GNA12: variants seen among roughly 807,000 people sequenced by gnomAD.
GNA12 encodes the protein guanine nucleotide-binding protein subunit alpha-12.
In GNA12, 9 loss-of-function variants were observed where a neutral mutation model predicts 26.0. The ratio of observed to expected loss-of-function variants is 0.35; its 90% CI spans 0.21 to 0.60. GNA12 has a LOEUF of 0.60. GNA12 is among the 20% of genes least tolerant of loss of function. The probability of loss-of-function intolerance (pLI) is 0.78; values close to 1 mark genes in which losing one functional copy is unlikely to be tolerated. For synonymous variants in GNA12, 264 were observed against 219.6 expected (o/e 1.20, Z -1.79); for missense variants, 405 against 525.8 (o/e 0.77, Z 2.25).
At chr7:2,750,825 A>G (rs1396699044) in intron 2 of GNA12, among the ~76,000 whole-genome samples, 1 of 152,216 alleles carries the variant, frequency 6.6e-6, no homozygotes, top group African/African-American at 2.4e-5. Context: ...TCAGAACCAG[A>G]TTCGGATATG....
Position 2,739,872 on chromosome 7 carries a change from C to T in GNA12, c.526-6371G>A, listed in dbSNP as rs146679860. Among the ~76,000 whole-genome samples the T allele has an allele frequency of 7.5e-3, 1,148 of 152,178 alleles. 4 individuals are homozygous for T. Among genetic ancestry groups the T allele is most frequent in the Non-Finnish European group, 0.014 (963 of 67,998 alleles). On this transcript the variant is annotated intron_variant, in intron 2 of 3. Coordinates refer to ENST00000275364, the MANE Select transcript of GNA12 (RefSeq NM_007353.3). Reference sequence around the variant, plus strand: ...TTTTTAGTAGAGACGGGGGTTTCACCGTGTTGGCCAGGCTGGTCTCGAACT... The same window carrying T: ...TTTTTAGTAGAGACGGGGGTTTCACTGTGTTGGCCAGGCTGGTCTCGAACT...
intron 1 of GNA12, among the ~76,000 whole-genome samples, chr7:2,836,981 A>AC (rs1778857265): frequency 6.6e-6 from 1 of 151,918 alleles, no homozygotes. Flanking sequence ...CACATATACC[A>AC]CCCACTGAGG....
intron 2 of GNA12, among the ~76,000 whole-genome samples, chr7:2,743,180 G>A (rs989453939): frequency 3.9e-5 from 6 of 152,170 alleles, no homozygotes; most frequent in Non-Finnish European, 7.3e-5. Flanking sequence ...CCCCTGAACC[G>A]TATATATGGG....
At position 2,790,753 on chromosome 7, in the gene GNA12, G is replaced by A. The variant is rs560758334; in HGVS notation, c.525+4175C>T. 1.0e-3 allele frequency among the ~76,000 whole-genome samples: 159 copies of A among 152,346 alleles called. 1 individual carries two copies. The highest frequency in any genetic ancestry group is 3.4e-3 in the African/African-American group (143 of 41,580). On this transcript the variant is annotated intron_variant, in intron 2 of 3. Coordinates refer to ENST00000275364, the MANE Select transcript of GNA12 (RefSeq NM_007353.3). Reference sequence around the variant, plus strand: ...GAAGCCCAAGGCAGGAGGATTGCTAGAGCCCAGGAGTTTGAGACTAGCCTG... The same window carrying A: ...GAAGCCCAAGGCAGGAGGATTGCTAAAGCCCAGGAGTTTGAGACTAGCCTG...
chr7:2,778,259 G>C (rs936561763), intron 2 of GNA12, among the ~76,000 whole-genome samples: 1 of 152,168 alleles, frequency 6.6e-6, no homozygotes, highest in East Asian at 1.9e-4. Flanking sequence ...ATTTCATTTG[G>C]CTTAAACGCA....
At chr7:2,811,244 A>C (rs11765726) in intron 1 of GNA12, among the ~76,000 whole-genome samples, 6 of 151,590 alleles carry the variant, frequency 4.0e-5, no homozygotes, top group African/African-American at 1.2e-4. Context: ...TTCTGTGCAC[A>C]ACATCTACAC....
At chr7:2,757,128 CCTTT>C (rs1791338634) in intron 2 of GNA12, among the ~76,000 whole-genome samples, 1 of 115,136 alleles carries the variant, frequency 8.7e-6, no homozygotes, top group Non-Finnish European at 1.8e-5. Context: ...ATCAGGTGGG[CCTTT>C]TTTTTTTTTT....
intron 1 of GNA12, among the ~76,000 whole-genome samples, chr7:2,809,904 T>C (rs1200532423): frequency 6.6e-6 from 1 of 152,234 alleles, no homozygotes; most frequent in Non-Finnish European, 1.5e-5. Flanking sequence ...GTAAATAGTA[T>C]TTAGTAATAA....
At chr7:2,829,868 CTAGAGTTTGACAGA>C (rs767431206) in intron 1 of GNA12, among the ~76,000 whole-genome samples, 2 of 152,190 alleles carry the variant, frequency 1.3e-5, no homozygotes, top group Non-Finnish European at 2.9e-5. Context: ...TGGACCAGAG[CTAGAGTTTGACAGA>C]CAGACGCTGC....
At chr7:2,798,512 G>A (rs367609935) in intron 1 of GNA12, among the ~76,000 whole-genome samples, 12 of 152,216 alleles carry the variant, frequency 7.9e-5, no homozygotes, top group African/African-American at 2.6e-4. Context: ...AAAATGTTGA[G>A]GAAAGAAATT....
In GNA12 at chr7:2,735,481, G is replaced by A. The variant is rs114987960; in HGVS notation, c.526-1980C>T. ...CACACGTGCTCCGCCCAGATAGTAC[G>A]GACGCAAGGGGAAAAGCACCACAGA... On this transcript the variant is annotated intron_variant, in intron 2 of 3. Transcript: ENST00000275364. Among the ~76,000 whole-genome samples, 253 of 152,258 alleles carry A rather than the reference G, an allele frequency of 1.7e-3. 3 individuals are homozygous for A. Among genetic ancestry groups the A allele is most frequent in the African/African-American group, 5.0e-3 (208 of 41,544 alleles).
At position 2,789,707 on chromosome 7, in the gene GNA12, T is replaced by C. The variant is rs578092203; in HGVS notation, c.525+5221A>G. On this transcript the variant is annotated intron_variant, in intron 2 of 3. Transcript: ENST00000275364. Reference sequence around the variant, plus strand: ...GGTGAGGACAGGGATCCAGAGTTCATCCATGCCTAAACCAACCACGCACAG... The same window carrying C: ...GGTGAGGACAGGGATCCAGAGTTCACCCATGCCTAAACCAACCACGCACAG... Among the ~76,000 whole-genome samples, 3 of 152,260 alleles carry C rather than the reference T, an allele frequency of 2.0e-5. No homozygotes were observed. The South Asian group carries it at 6.2e-4, about 32-fold the overall frequency.
At chr7:2,796,500 A>G (rs1202032958) in intron 1 of GNA12, among the ~76,000 whole-genome samples, 1 of 152,068 alleles carries the variant, frequency 6.6e-6, no homozygotes, top group East Asian at 1.9e-4. Context: ...CAGCTCCTCT[A>G]TTCCAAAAGA....
intron 1 of GNA12, among the ~76,000 whole-genome samples, chr7:2,800,346 G>C (rs1294353915): frequency 6.6e-6 from 1 of 152,232 alleles, no homozygotes; most frequent in Non-Finnish European, 1.5e-5. Flanking sequence ...AGGGGGAGAA[G>C]TGACTAGAAA....
At chr7:2,756,383 T>A (rs959960572) in intron 2 of GNA12, among the ~76,000 whole-genome samples, 1 of 152,226 alleles carries the variant, frequency 6.6e-6, no homozygotes, top group Non-Finnish European at 1.5e-5. Flanking sequence ...TCAGGTATGG[T>A]GGCTCACATT....
At chr7:2,743,581 C>T (rs1007787188) in intron 2 of GNA12, among the ~76,000 whole-genome samples, 1 of 152,190 alleles carries the variant, frequency 6.6e-6, no homozygotes, top group African/African-American at 2.4e-5. Context: ...CGAATAGGAA[C>T]AGCTCCGGTC....
chr7:2,823,317 T>G (rs1171315522), intron 1 of GNA12, among the ~76,000 whole-genome samples: 1 of 152,184 alleles, frequency 6.6e-6, no homozygotes, highest in African/African-American at 2.4e-5. Flanking sequence ...GCTACTTATC[T>G]GACTGAAGGC....
At chr7:2,795,164 G>C (rs770558705) in intron 1 of GNA12, 21 bp from the exon 2 acceptor site, 14 of 1,584,312 alleles carry the variant, frequency 8.8e-6, no homozygotes, top group Admixed American at 3.3e-5. Context: ...AAAGAAAGAA[G>C]AGAGGATTTA....
intron 1 of GNA12, among the ~76,000 whole-genome samples, chr7:2,818,882 A>G (rs535847933): frequency 1.3e-5 from 2 of 152,002 alleles, no homozygotes; most frequent in Middle Eastern, 3.4e-3. Context: ...CAACCCTTTC[A>G]TGGTCCCCTG....
Sources: gnomAD v4.1 joint callset for allele counts (sites outside exome capture counted in the v4.1 genomes callset) on GRCh38, gnomAD v4.1.1 for gene constraint, MANE v1.5 for transcripts, NCBI Gene and HGNC (gene_info 2026-07-23, HGNC 2026-07-21) for gene names.